Variants in PDE1A observed in about 807,000 individuals in gnomAD.
PDE1A encodes the protein dual specificity calcium/calmodulin-dependent 3',5'-cyclic nucleotide phosphodiesterase 1A.
In PDE1A, 35 loss-of-function variants were observed where a neutral mutation model predicts 61.7. The observed-to-expected ratio is 0.57, with a 90% CI of 0.43 to 0.75. PDE1A has a LOEUF of 0.75. PDE1A is among the 30% of genes least tolerant of loss of function. PDE1A has a pLI of 0.00. For missense variants in PDE1A, 597 were observed against 630.6 expected, an observed-to-expected ratio of 0.95 and a Z score of 0.57; for synonymous variants, 232 against 213.2, an observed-to-expected ratio of 1.09 and a Z score of -0.77.
At chr2:182,520,070 T>G (rs1690470505) in intron 2 of PDE1A, among the ~76,000 whole-genome samples, 1 of 152,078 alleles carries the variant, frequency 6.6e-6, no homozygotes, top group Non-Finnish European at 1.5e-5. Flanking sequence ...AGAATTCTAG[T>G]ACCAGCAATT....
At chr2:182,673,297 T>A in the PDE1A span, among the ~76,000 whole-genome samples, 6 of 152,210 alleles carry the variant, frequency 3.9e-5, no homozygotes, top group African/African-American at 1.2e-4. Context: ...TCTGAACATG[T>A]GAGTTATTAA....
At chr2:182,305,188 T>A (rs58723417) in intron 1 of PDE1A, among the ~76,000 whole-genome samples, 151,390 of 152,274 alleles carry the variant, frequency 0.99, 75,262 homozygotes, top group Middle Eastern at 1. Flanking sequence ...ACTTCCACTT[T>A]ATAAACAAAC....
the PDE1A span, among the ~76,000 whole-genome samples, chr2:182,567,953 C>A: frequency 9.2e-5 from 14 of 151,636 alleles, no homozygotes; most frequent in East Asian, 2.5e-3. Flanking sequence ...CCACCACGCC[C>A]GGCTAATTTT....
At chr2:182,442,128 T>C (rs1450915467) in intron 2 of PDE1A, among the ~76,000 whole-genome samples, 1 of 152,110 alleles carries the variant, frequency 6.6e-6, no homozygotes, top group Non-Finnish European at 1.5e-5. Flanking sequence ...TTACTGGTAT[T>C]GCATCACTAT....
downstream of PDE1A, among the ~76,000 whole-genome samples, chr2:182,166,878 G>A (rs1466819884): frequency 1.3e-5 from 2 of 152,136 alleles, no homozygotes; most frequent in Admixed American, 6.5e-5. Flanking sequence ...GCTTCTACTA[G>A]TCTAGCAGAG....
chr2:182,420,969 T>C (rs1333298695), intron 1 of PDE1A, among the ~76,000 whole-genome samples: 3 of 152,168 alleles, frequency 2.0e-5, no homozygotes, highest in South Asian at 4.1e-4. Context: ...AACTACATTA[T>C]GTCCAGTCAC....
chr2:182,351,916 A>C (rs1698902675), intron 1 of PDE1A, among the ~76,000 whole-genome samples: 1 of 152,230 alleles, frequency 6.6e-6, no homozygotes, highest in Non-Finnish European at 1.5e-5. Flanking sequence ...TACCATATAC[A>C]CATTCAGTTA....
At chr2:182,462,110 G>A (rs372738981) in intron 2 of PDE1A, among the ~76,000 whole-genome samples, 10 of 151,952 alleles carry the variant, frequency 6.6e-5, no homozygotes, top group East Asian at 1.9e-4. Context: ...AACAATGAGA[G>A]CACTTGGACA....
the PDE1A span, among the ~76,000 whole-genome samples, chr2:182,622,334 TA>T: frequency 1.3e-5 from 2 of 152,212 alleles, no homozygotes; most frequent in African/African-American, 4.8e-5. Flanking sequence ...GGTATATTTT[TA>T]AAAACTACTC....
At chr2:182,191,638 AT>A (rs1169141596) in intron 10 of PDE1A, among the ~76,000 whole-genome samples, 1 of 151,314 alleles carries the variant, frequency 6.6e-6, no homozygotes, top group Non-Finnish European at 1.5e-5. Flanking sequence ...AACCACAATT[AT>A]TTTTGCACCA....
the PDE1A span, among the ~76,000 whole-genome samples, chr2:182,681,157 G>GTT: frequency 1.4e-5 from 2 of 143,144 alleles, no homozygotes; most frequent in African/African-American, 5.2e-5. Context: ...TGTTTTTTTT[G>GTT]TTTTTTTTTT....
At chr2:182,348,074 T>C (rs914059212) in intron 1 of PDE1A, among the ~76,000 whole-genome samples, 1 of 152,182 alleles carries the variant, frequency 6.6e-6, no homozygotes, top group African/African-American at 2.4e-5. Context: ...ACCCATACTA[T>C]GCTGATGTAA....
At chr2:182,476,965 C>T (rs778645620) in intron 2 of PDE1A, among the ~76,000 whole-genome samples, 2 of 149,972 alleles carry the variant, frequency 1.3e-5, no homozygotes, top group Non-Finnish European at 3.0e-5. Context: ...TTATACATGA[C>T]ACATTTTGCC....
intron 2 of PDE1A, among the ~76,000 whole-genome samples, chr2:182,517,138 T>C (rs1690254235): frequency 6.6e-6 from 1 of 152,180 alleles, no homozygotes; most frequent in Non-Finnish European, 1.5e-5. Context: ...TTTTCTGTAT[T>C]GGATGCAAGA....
chr2:182,644,128 TAC>T, the PDE1A span, among the ~76,000 whole-genome samples: 190 of 129,334 alleles, frequency 1.5e-3, no homozygotes, highest in African/African-American at 1.6e-3. Flanking sequence ...AATCAATGAT[TAC>T]ACACACACAC....
chr2:182,382,593 T>C (rs1265713357), intron 1 of PDE1A, among the ~76,000 whole-genome samples: 1 of 152,208 alleles, frequency 6.6e-6, no homozygotes, highest in Non-Finnish European at 1.5e-5. Flanking sequence ...ACAGAACTTT[T>C]CACTAATAAA....
chr2:182,364,142 T>C (rs1699673527), intron 1 of PDE1A, among the ~76,000 whole-genome samples: 1 of 151,912 alleles, frequency 6.6e-6, no homozygotes, highest in South Asian at 2.1e-4. Context: ...ATATGTTGGC[T>C]CTAAGTACCT....
intron 1 of PDE1A, among the ~76,000 whole-genome samples, chr2:182,318,679 C>T (rs1216960824): frequency 6.6e-6 from 1 of 152,124 alleles, no homozygotes; most frequent in Non-Finnish European, 1.5e-5. Context: ...GCCAAATGCT[C>T]ACTTCAATGC....
the PDE1A span, among the ~76,000 whole-genome samples, chr2:182,558,638 GT>G: frequency 5.3e-5 from 8 of 152,286 alleles, no homozygotes; most frequent in African/African-American, 1.7e-4. Flanking sequence ...AATGGAAACT[GT>G]AAAAGTGAAA....
Sources: gnomAD v4.1 joint callset for allele counts (sites outside exome capture counted in the v4.1 genomes callset) on GRCh38, gnomAD v4.1.1 for gene constraint, MANE v1.5 for transcripts, NCBI Gene and HGNC (gene_info 2026-07-23, HGNC 2026-07-21) for gene names.